Variants in CRPPA observed in about 807,000 individuals in gnomAD.
CRPPA encodes the protein CDP-L-ribitol pyrophosphorylase A.
CRPPA carries 43 observed loss-of-function variants against 52.0 expected under a neutral mutation model. The observed-to-expected ratio is 0.83, with a 90% CI of 0.65 to 1.07. The LOEUF is 1.07. Among genes scored for constraint, CRPPA ranks in the 50% least tolerant of loss-of-function variants. The probability of loss-of-function intolerance (pLI) is 0.00; values close to 1 mark genes in which losing one functional copy is unlikely to be tolerated. For synonymous variants in CRPPA, 250 were observed against 203.5 expected, an observed-to-expected ratio of 1.23 and a Z score of -1.94; for missense variants, 629 against 551.7, an observed-to-expected ratio of 1.14 and a Z score of -1.40.
chr7:16,097,134 T>G (rs1781951695), intron 9 of CRPPA, among the ~76,000 whole-genome samples: 1 of 152,114 alleles, frequency 6.6e-6, no homozygotes, highest in Admixed American at 6.6e-5. Context: ...AGAAAACCTT[T>G]TTTGCTTGAA....
At chr7:16,387,086 T>TAC (rs373538470) in intron 2 of CRPPA, among the ~76,000 whole-genome samples, 692 of 55,604 alleles carry the variant, frequency 0.012, 6 homozygotes, top group South Asian at 0.028. Flanking sequence ...TATATATATA[T>TAC]ACACACATAT....
intron 8 of CRPPA, among the ~76,000 whole-genome samples, chr7:16,219,301 A>G (rs1782431810): frequency 6.7e-6 from 1 of 148,640 alleles, no homozygotes; most frequent in Non-Finnish European, 1.5e-5. Context: ...CAGTGTGTAG[A>G]GGGAAATTTA....
chr7:16,349,792 G>T (rs1419632313), intron 3 of CRPPA, among the ~76,000 whole-genome samples: 3 of 152,134 alleles, frequency 2.0e-5, no homozygotes, highest in African/African-American at 7.2e-5. Context: ...AAGAACGTAT[G>T]CATTATCCAC....
At chr7:16,241,590 A>G (rs1287286815) in intron 8 of CRPPA, among the ~76,000 whole-genome samples, 2 of 152,188 alleles carry the variant, frequency 1.3e-5, no homozygotes. Context: ...TTTAACAATT[A>G]AACACTTATT....
chr7:16,358,403 G>A (rs1023500777), intron 3 of CRPPA, among the ~76,000 whole-genome samples: 1 of 152,114 alleles, frequency 6.6e-6, no homozygotes, highest in Non-Finnish European at 1.5e-5. Flanking sequence ...ATATATAAAG[G>A]TAGCTCTTAC....
At chr7:16,164,262 C>G (rs1453376811) in intron 9 of CRPPA, among the ~76,000 whole-genome samples, 1 of 152,128 alleles carries the variant, frequency 6.6e-6, no homozygotes, top group Non-Finnish European at 1.5e-5. Context: ...TTAAGTTGAT[C>G]TTCAGTCTCT....
intron 9 of CRPPA, among the ~76,000 whole-genome samples, chr7:16,160,121 G>T (rs979495805): frequency 6.6e-6 from 1 of 152,104 alleles, no homozygotes; most frequent in Admixed American, 6.5e-5. Flanking sequence ...TAGGTTGCCT[G>T]TTCACTCTGA....
At chr7:16,406,920 A>G (rs1787967504) in intron 1 of CRPPA, among the ~76,000 whole-genome samples, 1 of 152,198 alleles carries the variant, frequency 6.6e-6, no homozygotes, top group African/African-American at 2.4e-5. Flanking sequence ...AAAAGCTTAC[A>G]ATTCATGAAA....
chr7:16,394,841 C>T (rs1787530725), intron 2 of CRPPA, among the ~76,000 whole-genome samples: 1 of 152,148 alleles, frequency 6.6e-6, no homozygotes, highest in African/African-American at 2.4e-5. Flanking sequence ...AAAGAGATCA[C>T]AAGTGAAAAT....
Position 16,088,066 on chromosome 7 carries a change from C to T in CRPPA, c.*3629G>A, listed in dbSNP as rs946134791. 6.6e-6 allele frequency: 1 copy of T among 152,044 alleles called. No individual in the cohort carries two copies. The highest frequency in any genetic ancestry group is 2.4e-5 in the African/African-American group (1 of 41,410). 9.4% of individuals were successfully genotyped at this position (152,044 alleles called of 1,614,324 possible). On this transcript the variant is annotated 3_prime_UTR_variant, in exon 10 of 10. Transcript: ENST00000407010. Reference sequence around the variant, plus strand: ...GAGAATATAGGGAGCTGACTCTTACCTGTAAATGAGTATACTTGCAACAAG... The same window carrying T: ...GAGAATATAGGGAGCTGACTCTTACTTGTAAATGAGTATACTTGCAACAAG...
At chr7:16,253,792 G>A (rs1253893902) in intron 8 of CRPPA, among the ~76,000 whole-genome samples, 1 of 152,140 alleles carries the variant, frequency 6.6e-6, no homozygotes, top group Admixed American at 6.6e-5. Context: ...CCATCAGAGT[G>A]AACAGGCAAC....
rs1012280388 is a variant in CRPPA, at chr7:16,228,701, C to A, written c.1120-12504G>T. Among the ~76,000 whole-genome samples the A allele has an allele frequency of 8.0e-3, 1,210 of 152,062 alleles. 13 individuals carry two copies. Among genetic ancestry groups the A allele is most frequent in the African/African-American group, 0.028 (1,151 of 41,548 alleles). ...ATCTTAAGTATTTTAACACTTGTTT[C>A]ATAGCCTAACATGATTTACCCTGGA... is the stretch of plus-strand genomic sequence containing the variant. On this transcript the variant is annotated intron_variant, in intron 8 of 9. Transcript: ENST00000407010.
At chr7:16,398,749 C>A (rs533927006) in intron 2 of CRPPA, among the ~76,000 whole-genome samples, 2 of 152,276 alleles carry the variant, frequency 1.3e-5, no homozygotes, top group East Asian at 3.9e-4. Flanking sequence ...CAATGCCTGA[C>A]ATGTGACAAA....
At chr7:16,216,826 T>C (rs1782334774) in intron 8 of CRPPA, among the ~76,000 whole-genome samples, 1 of 151,860 alleles carries the variant, frequency 6.6e-6, no homozygotes, top group South Asian at 2.1e-4. Context: ...AGCACAGCAG[T>C]CTGAGATCAA....
intron 9 of CRPPA, among the ~76,000 whole-genome samples, chr7:16,182,431 A>C (rs982967911): frequency 1.3e-5 from 2 of 152,176 alleles, no homozygotes; most frequent in African/African-American, 4.8e-5. Flanking sequence ...GTAGTTTGTA[A>C]GCATCATTTC....
At chr7:16,154,050 T>C (rs1268600710) in intron 9 of CRPPA, among the ~76,000 whole-genome samples, 1 of 150,214 alleles carries the variant, frequency 6.7e-6, no homozygotes. Flanking sequence ...TCTCAGGTCA[T>C]CTCGTATGGT....
chr7:16,229,546 AC>A (rs57073140), intron 8 of CRPPA, among the ~76,000 whole-genome samples: 46,715 of 151,816 alleles, frequency 0.31, 9,041 homozygotes, highest in Admixed American at 0.44. Flanking sequence ...CTACACATTT[AC>A]TTCACTCACT....
intron 3 of CRPPA, among the ~76,000 whole-genome samples, chr7:16,361,955 C>T (rs1233849082): frequency 2.6e-5 from 4 of 152,064 alleles, no homozygotes; most frequent in African/African-American, 9.7e-5. Flanking sequence ...CCCGGGTTCA[C>T]GCCATTCTCC....
chr7:16,219,044 A>T (rs557668910), intron 8 of CRPPA, among the ~76,000 whole-genome samples: 46 of 152,352 alleles, frequency 3.0e-4, no homozygotes, highest in African/African-American at 1.1e-3. Flanking sequence ...ACTTGGAAGT[A>T]AGGCTCTCCT....
Sources: gnomAD v4.1 joint callset for allele counts (sites outside exome capture counted in the v4.1 genomes callset) on GRCh38, gnomAD v4.1.1 for gene constraint, MANE v1.5 for transcripts, NCBI Gene and HGNC (gene_info 2026-07-23, HGNC 2026-07-21) for gene names.